Variants in FAM117A observed in about 807,000 individuals in gnomAD.
FAM117A encodes protein FAM117A.
A neutral mutation model predicts 44.1 loss-of-function variants in FAM117A; 21 were observed. The observed-to-expected ratio is 0.48, with a 90% CI of 0.34 to 0.69. The LOEUF is 0.69. Ranked by LOEUF, FAM117A falls within the 30% of genes least tolerant of loss-of-function variation. FAM117A has a pLI of 0.01. For missense variants in FAM117A, 498 were observed against 589.9 expected (o/e 0.84, Z 1.61); for synonymous variants, 220 against 238.3 (o/e 0.92, Z 0.71).
chr17:49,722,930 A>G (rs1325174685), intron 2 of FAM117A, among the ~76,000 whole-genome samples: 2 of 152,176 alleles, frequency 1.3e-5, no homozygotes, highest in Non-Finnish European at 2.9e-5. Flanking sequence ...ACCAGCTCCA[A>G]GAGAATATAG....
At chr17:49,780,650 C>T (rs1362405119) in intron 1 of FAM117A, among the ~76,000 whole-genome samples, 2 of 152,096 alleles carry the variant, frequency 1.3e-5, no homozygotes, top group Non-Finnish European at 2.9e-5. Context: ...GGACTACAGG[C>T]GTGAGCTACC....
At chr17:49,761,713 A>G (rs1347426475) in intron 1 of FAM117A, among the ~76,000 whole-genome samples, 1 of 152,204 alleles carries the variant, frequency 6.6e-6, no homozygotes, top group Non-Finnish European at 1.5e-5. Flanking sequence ...GGTGCTTTCC[A>G]AGGCCAAGGA....
Position 49,717,589 on chromosome 17 carries a change from G to A in FAM117A, c.834C>T (p.Pro278=), listed in dbSNP as rs747982886. Residue 278 remains proline, a synonymous_variant, in exon 6 of 8, where the codon CCC becomes CCT. Coordinates refer to ENST00000240364, the MANE Select transcript of FAM117A (RefSeq NM_030802.4). ...CATGACTGGCCAGGCCACAAGGCTG[G>A]GGAGATGCCAAGGACATGGAAGGAG... is the stretch of plus-strand genomic sequence containing the variant. ...ASSPSMSLAS[P]QPCGLASHEE... 4 of 1,614,048 alleles carry A rather than the reference G, an allele frequency of 2.5e-6. No individual in the cohort carries two copies. Among genetic ancestry groups the A allele is most frequent in the South Asian group, 1.1e-5 (1 of 91,082 alleles).
chr17:49,747,737 G>A (rs370825344), intron 1 of FAM117A, among the ~76,000 whole-genome samples: 1 of 152,034 alleles, frequency 6.6e-6, no homozygotes, highest in Non-Finnish European at 1.5e-5. Context: ...TTCCCTGCCC[G>A]GGCCCTGATA....
intron 1 of FAM117A, among the ~76,000 whole-genome samples, chr17:49,781,534 T>C (rs1212219466): frequency 1.3e-5 from 2 of 152,158 alleles, no homozygotes; most frequent in Non-Finnish European, 2.9e-5. Context: ...ACTGCAGCAT[T>C]ATCTGACATA....
exon 1 of FAM117A, chr17:49,788,588 G>A (rs1004514894): frequency 9.7e-6 from 4 of 413,530 alleles, no homozygotes; most frequent in Non-Finnish European, 1.7e-5. Context: ...CAAAAGGATC[G>A]AACTTCCCAG....
chr17:49,761,376 C>G (rs780691274), intron 1 of FAM117A, among the ~76,000 whole-genome samples: 4 of 152,238 alleles, frequency 2.6e-5, no homozygotes, highest in African/African-American at 7.2e-5. Flanking sequence ...GGGCTCTGGC[C>G]AACAGTGCTC....
intron 1 of FAM117A, among the ~76,000 whole-genome samples, chr17:49,737,006 CAAG>C (rs1386548301): frequency 6.6e-6 from 1 of 152,240 alleles, no homozygotes; most frequent in Non-Finnish European, 1.5e-5. Flanking sequence ...AAAACCTTCA[CAAG>C]AAGGGTCAAC....
chr17:49,763,043 C>A (rs1248791471), intron 1 of FAM117A, among the ~76,000 whole-genome samples: 2 of 151,756 alleles, frequency 1.3e-5, no homozygotes, highest in Non-Finnish European at 2.9e-5. Flanking sequence ...ATGCCCCGGA[C>A]AAAACAGCCT....
intron 1 of FAM117A, among the ~76,000 whole-genome samples, chr17:49,756,811 G>A (rs537226950): frequency 6.6e-6 from 1 of 151,850 alleles, no homozygotes; most frequent in Non-Finnish European, 1.5e-5. Context: ...AGCTATTTGC[G>A]AGGCTGAGGC....
intron 1 of FAM117A, among the ~76,000 whole-genome samples, chr17:49,769,425 G>A (rs1290411161): frequency 1.3e-5 from 2 of 152,178 alleles, no homozygotes; most frequent in Non-Finnish European, 2.9e-5. Context: ...TAGGCCGGGC[G>A]CGGTGGCTCA....
Position 49,710,832 on chromosome 17 carries a change from G to T in FAM117A, c.*423C>A. On this transcript the variant is annotated 3_prime_UTR_variant, in exon 8 of 8. Transcript: ENST00000240364. ...GCATGGGAATAGGGCTGAGAGGATG[G>T]GGGATCTATCTTATGGTCTCCTGGA... is the stretch of plus-strand genomic sequence containing the variant. The T allele has an allele frequency of 6.2e-6, 1 of 161,398 alleles. No homozygotes were observed. The highest frequency in any genetic ancestry group is 5.8e-5 in the Admixed American group (1 of 17,226). 10.0% of individuals were successfully genotyped at this position (161,398 alleles called of 1,614,324 possible).
intron 2 of FAM117A, among the ~76,000 whole-genome samples, chr17:49,726,511 C>T (rs761071759): frequency 5.9e-5 from 9 of 152,260 alleles, no homozygotes; most frequent in Non-Finnish European, 1.3e-4. Context: ...TGCGCCCACC[C>T]GACATCGAGT....
At chr17:49,768,541 C>G (rs933649647), upstream of FAM117A, among the ~76,000 whole-genome samples, 1 of 152,118 alleles carries the variant, frequency 6.6e-6, no homozygotes, top group African/African-American at 2.4e-5. Flanking sequence ...AATAAGATGA[C>G]GCAGATACAC....
intron 7 of FAM117A, among the ~76,000 whole-genome samples, chr17:49,713,903 T>A (rs2143688415): frequency 6.6e-6 from 1 of 151,198 alleles, no homozygotes; most frequent in East Asian, 1.9e-4. Context: ...TCAGGAGAGG[T>A]GGAGGGTAAA....
chr17:49,720,855 C>G (rs1054194066), intron 3 of FAM117A, among the ~76,000 whole-genome samples: 10 of 152,034 alleles, frequency 6.6e-5, no homozygotes, highest in Admixed American at 3.3e-4. Context: ...GCTGGGATTA[C>G]AGGCACCCAC....
chr17:49,711,089 C>T lies in FAM117A; in HGVS notation c.*166G>A, dbSNP rs769831962. 3.8e-5 allele frequency: 24 copies of T among 637,488 alleles called. No individual in the cohort carries two copies. The highest frequency in any genetic ancestry group is 1.1e-4 in the South Asian group (5 of 45,280). 39.5% of individuals were successfully genotyped at this position (637,488 alleles called of 1,614,324 possible). On this transcript the variant is annotated 3_prime_UTR_variant, in exon 8 of 8. Coordinates refer to ENST00000240364, the MANE Select transcript of FAM117A (RefSeq NM_030802.4). ...CAGGTCCCATCACGTTCAGAGGGGC[C>T]GGTGCCCATCAAAAAGAGGACCCAG...
At chr17:49,720,722 C>G (rs1301375663) in intron 3 of FAM117A, among the ~76,000 whole-genome samples, 1 of 151,978 alleles carries the variant, frequency 6.6e-6, no homozygotes, top group African/African-American at 2.4e-5. Flanking sequence ...GCATGGACTA[C>G]CCCTCTTTTT....
chr17:49,721,612 T>C (rs1244317410), intron 3 of FAM117A, among the ~76,000 whole-genome samples: 1 of 152,076 alleles, frequency 6.6e-6, no homozygotes, highest in East Asian at 1.9e-4. Flanking sequence ...GCAGGGTGAG[T>C]CCTATCGAGT....
Sources: gnomAD v4.1 joint callset for allele counts (sites outside exome capture counted in the v4.1 genomes callset) on GRCh38, gnomAD v4.1.1 for gene constraint, MANE v1.5 for transcripts, NCBI Gene and HGNC (gene_info 2026-07-23, HGNC 2026-07-21) for gene names.